PIK3C2G: variants seen among roughly 807,000 people sequenced by gnomAD.
The protein encoded by PIK3C2G is phosphatidylinositol-4-phosphate 3-kinase catalytic subunit type 2 gamma.
PIK3C2G carries 168 observed loss-of-function variants against 181.1 expected under a neutral mutation model. That is an observed-to-expected ratio of 0.93 (90% confidence interval 0.82 to 1.05). The LOEUF (loss-of-function observed/expected upper bound fraction) is 1.05. PIK3C2G is among the 50% of genes least tolerant of loss of function. The pLI is 0.00. For missense variants in PIK3C2G, 1,869 were observed against 1,732.8 expected, an observed-to-expected ratio of 1.08 and a Z score of -1.40; for synonymous variants, 573 against 592.2, an observed-to-expected ratio of 0.97 and a Z score of 0.47.
chr12:18,256,977 C>T (rs10743266), upstream of PIK3C2G, among the ~76,000 whole-genome samples: 63,895 of 151,786 alleles, frequency 0.42, 14,078 homozygotes, highest in East Asian at 0.75. Context: ...GTTGGCAGGA[C>T]AACTCTTCCG....
intron 20 of PIK3C2G, 57 bp from the exon 21 acceptor site, chr12:18,496,004 TG>T (rs1940974877): frequency 1.2e-6 from 1 of 862,324 alleles, no homozygotes; most frequent in African/African-American, 1.8e-5. Flanking sequence ...GTTTGCTTTT[TG>T]GGGATTGGGG....
chr12:18,536,782 G>A (rs557757307), intron 24 of PIK3C2G, among the ~76,000 whole-genome samples: 2 of 152,128 alleles, frequency 1.3e-5, no homozygotes, highest in African/African-American at 4.8e-5. Flanking sequence ...ATAGAATATA[G>A]GTTGGATAAG....
At chr12:18,706,537 A>G in the PIK3C2G span, among the ~76,000 whole-genome samples, 1 of 152,346 alleles carries the variant, frequency 6.6e-6, no homozygotes, top group African/African-American at 2.4e-5. Context: ...AGTTTTATTA[A>G]GTGAAGGTGG....
chr12:18,331,348 A>G (rs1460066152), intron 8 of PIK3C2G, among the ~76,000 whole-genome samples: 1 of 152,138 alleles, frequency 6.6e-6, no homozygotes, highest in East Asian at 1.9e-4. Flanking sequence ...GGTTTCTTAA[A>G]TCACTCAGCA....
downstream of PIK3C2G, among the ~76,000 whole-genome samples, chr12:18,650,756 A>G (rs866542358): frequency 0.041 from 4,239 of 103,476 alleles, 367 homozygotes; most frequent in Admixed American, 0.16. Flanking sequence ...ATATATATAT[A>G]TATATATATT....
chr12:18,259,648 T>C (rs1948185647), upstream of PIK3C2G, among the ~76,000 whole-genome samples: 1 of 152,276 alleles, frequency 6.6e-6, no homozygotes, highest in East Asian at 1.9e-4. Context: ...TAGAAGGCTG[T>C]TCACCATGGA....
chr12:18,424,327 G>C (rs1945665577), intron 18 of PIK3C2G, among the ~76,000 whole-genome samples: 1 of 152,138 alleles, frequency 6.6e-6, no homozygotes, highest in South Asian at 2.1e-4. Flanking sequence ...AGTGCAATTT[G>C]TATATCTACT....
intron 8 of PIK3C2G, among the ~76,000 whole-genome samples, chr12:18,329,226 G>A (rs1374816455): frequency 1.3e-5 from 2 of 151,688 alleles, no homozygotes; most frequent in African/African-American, 2.4e-5. Context: ...TTTGTGCGAA[G>A]GAATAACATG....
At chr12:18,276,259 C>G (rs1489549680) in intron 1 of PIK3C2G, among the ~76,000 whole-genome samples, 3 of 152,162 alleles carry the variant, frequency 2.0e-5, no homozygotes, top group Non-Finnish European at 2.9e-5. Context: ...CTCTCCATGT[C>G]TTTCCCTGAA....
At chr12:18,598,082 T>A (rs2136516940) in intron 30 of PIK3C2G, among the ~76,000 whole-genome samples, 1 of 152,254 alleles carries the variant, frequency 6.6e-6, no homozygotes, top group South Asian at 2.1e-4. Context: ...CCCAAGGTAA[T>A]TTAGAGATTC....
chr12:18,379,016 A>G lies in PIK3C2G; in HGVS notation c.1881-2750A>G, dbSNP rs554184587. Reference sequence around the variant, plus strand: ...TGATCCAGCCATCCCATTACTGGGTATATACCCAAAGGATTATAAATCATG... The same window carrying G: ...TGATCCAGCCATCCCATTACTGGGTGTATACCCAAAGGATTATAAATCATG... On this transcript the variant is annotated intron_variant, in intron 13 of 32. Transcript: ENST00000538779. Among the ~76,000 whole-genome samples the G allele has an allele frequency of 4.0e-3, 607 of 152,312 alleles. 1 individual carries two copies. The highest frequency in any genetic ancestry group is 0.014 in the African/African-American group (569 of 41,566).
chr12:18,436,305 T>G (rs1198808023), intron 18 of PIK3C2G, among the ~76,000 whole-genome samples: 1 of 152,086 alleles, frequency 6.6e-6, no homozygotes, highest in Non-Finnish European at 1.5e-5. Context: ...ACTTCTCATA[T>G]TATTTGCCAG....
intron 18 of PIK3C2G, among the ~76,000 whole-genome samples, chr12:18,460,024 C>T (rs1947832679): frequency 6.6e-6 from 1 of 152,208 alleles, no homozygotes; most frequent in Non-Finnish European, 1.5e-5. Context: ...CTCGGCCTCC[C>T]AAAGTGCTGG....
At chr12:18,468,693 C>G (rs959660408) in intron 18 of PIK3C2G, among the ~76,000 whole-genome samples, 1 of 151,976 alleles carries the variant, frequency 6.6e-6, no homozygotes, top group African/African-American at 2.4e-5. Context: ...CAGTAATATT[C>G]TGTGATTAAA....
chr12:18,466,722 A>T (rs1937920976), intron 18 of PIK3C2G, among the ~76,000 whole-genome samples: 1 of 151,916 alleles, frequency 6.6e-6, no homozygotes, highest in African/African-American at 2.4e-5. Flanking sequence ...TAAATAGCAC[A>T]TAGGGAAAAA....
At chr12:18,621,633 T>C (rs996117497) in intron 31 of PIK3C2G, among the ~76,000 whole-genome samples, 2 of 151,754 alleles carry the variant, frequency 1.3e-5, no homozygotes, top group Non-Finnish European at 1.5e-5. Context: ...TACTAGTGAA[T>C]TTGTTATTTC....
intron 1 of PIK3C2G, among the ~76,000 whole-genome samples, chr12:18,278,021 T>C (rs1949056685): frequency 6.6e-6 from 1 of 152,184 alleles, no homozygotes; most frequent in African/African-American, 2.4e-5. Flanking sequence ...AGCTTTTTTG[T>C]GTGTGTGGTC....
intron 25 of PIK3C2G, among the ~76,000 whole-genome samples, chr12:18,540,166 A>T (rs952822560): frequency 1.3e-5 from 2 of 151,810 alleles, no homozygotes; most frequent in Non-Finnish European, 2.9e-5. Flanking sequence ...AATTGCAAGG[A>T]TACATTAACA....
the PIK3C2G span, among the ~76,000 whole-genome samples, chr12:18,668,553 C>T: frequency 6.6e-6 from 1 of 152,102 alleles, no homozygotes; most frequent in South Asian, 2.1e-4. Flanking sequence ...TTGCCTTCTT[C>T]AAGGAGATCA....
Sources: gnomAD v4.1 joint callset for allele counts (sites outside exome capture counted in the v4.1 genomes callset) on GRCh38, gnomAD v4.1.1 for gene constraint, MANE v1.5 for transcripts, NCBI Gene and HGNC (gene_info 2026-07-23, HGNC 2026-07-21) for gene names.